The following LTBP3 variants were observed in gnomAD, a reference collection of about 807,000 sequenced individuals.
LTBP3 encodes the protein latent transforming growth factor beta binding protein 3.
In LTBP3, 97 loss-of-function variants were observed where a neutral mutation model predicts 159.7. That is an observed-to-expected ratio of 0.61 (90% CI 0.52 to 0.72). The LOEUF (loss-of-function observed/expected upper bound fraction) is 0.72, where lower values mean the gene tolerates loss of function less well. Among genes scored for constraint, LTBP3 ranks in the 30% least tolerant of loss-of-function variants. The pLI is 0.00. For synonymous variants in LTBP3, 824 were observed against 777.1 expected (o/e 1.06, Z -1.00); for missense variants, 1,584 against 1,864.3 (o/e 0.85, Z 2.77).
chr11:65,552,393 C>G lies in LTBP3; in HGVS notation c.1200G>C (p.Glu400Asp). 2 of 1,613,500 alleles carry G rather than the reference C, an allele frequency of 1.2e-6. No homozygotes were observed. Among genetic ancestry groups the G allele is most frequent in the East Asian group, 4.5e-5 (2 of 44,882 alleles). ...CCAGGCGGAAACACAGGCTCTTCTCCTCCGGTTTGTCTGCTGCAGGGGCCA... is the reference window on the plus strand; with the variant it reads ...CCAGGCGGAAACACAGGCTCTTCTCGTCCGGTTTGTCTGCTGCAGGGGCCA... ...SRTQCIADKPEEKSLCFRLVS... is the reference protein window; with the variant it reads ...SRTQCIADKPDEKSLCFRLVS... Residue 400 changes from glutamate to aspartate, a missense_variant, in exon 7 of 28, where the codon GAG (glutamate) becomes GAC (aspartate). Around this residue, in one of 6 missense-constraint regions of LTBP3, gnomAD observed 156 missense variants for 259.7 expected, o/e 0.60. Coordinates refer to ENST00000301873, the MANE Select transcript of LTBP3 (RefSeq NM_001130144.3). The surrounding 1 kb of genome is among the most constrained non-coding windows in gnomAD (Gnocchi z 6.0).
chr11:65,538,581 C>A lies in LTBP3; in HGVS notation c.*499G>T, dbSNP rs1185566275. On this transcript the variant is annotated 3_prime_UTR_variant, in exon 28 of 28. Coordinates refer to ENST00000301873, the MANE Select transcript of LTBP3 (RefSeq NM_001130144.3). ...AGCTGGACTGAACCGTGGCGGTGGCCCTTCCCGGCTGCGGAGAGCCCGCCC... is the reference window on the plus strand; with the variant it reads ...AGCTGGACTGAACCGTGGCGGTGGCACTTCCCGGCTGCGGAGAGCCCGCCC... 6.2e-7 allele frequency: 1 copy of A among 1,605,998 alleles called. No homozygotes were observed. Among genetic ancestry groups the A allele is most frequent in the East Asian group, 2.2e-5 (1 of 44,686 alleles).
chr11:65,546,577 G>C lies in LTBP3; in HGVS notation c.2231-13C>G, dbSNP rs867967679. On this transcript the variant is annotated splice_polypyrimidine_tract_variant and intron_variant, in intron 15 of 27. Transcript: ENST00000301873. This position sits in a 1 kb window ranked among gnomAD's most constrained non-coding sequence, Gnocchi z 4.0. The stretch of plus-strand genomic sequence containing the variant: ...CACTCGTTCACGTCTGCGGCGGAAA[G>C]ACCTAGCCTCGGACTCTGCCCCACC... 8.7e-5 allele frequency: 139 copies of C among 1,601,392 alleles called. No homozygotes were observed. Among genetic ancestry groups the C allele is most frequent in the Non-Finnish European group, 1.1e-4 (132 of 1,179,406 alleles).
intron 24 of LTBP3, 51 bp from the exon 25 acceptor site, chr11:65,539,932 G>T: frequency 6.8e-7 from 1 of 1,472,882 alleles, no homozygotes; most frequent in South Asian, 1.3e-5. Flanking sequence ...GGAACCGCCC[G>T]CCTCCGCCCC....
chr11:65,557,881 G>A lies in LTBP3; in HGVS notation c.79C>T (p.Leu27=). 1 of 1,308,766 alleles carries A rather than the reference G, an allele frequency of 7.6e-7. No individual in the cohort carries two copies. Among genetic ancestry groups the A allele is most frequent in the Non-Finnish European group, 9.8e-7 (1 of 1,020,032 alleles). The allele number at this position is 1,308,766 out of a possible 1,614,324, so 81.1% of individuals were successfully genotyped here. The change falls in exon 1 of 28, where the codon CTG becomes TTG. Residue 27 remains leucine, a synonymous_variant. Coordinates refer to ENST00000301873, the MANE Select transcript of LTBP3 (RefSeq NM_001130144.3). ...AGCAGCAGCAGCAGCAGCAGCAGCAGCAGCGCCAGCAGCCCCGCCGCCCCC... is the reference window on the plus strand; with the variant it reads ...AGCAGCAGCAGCAGCAGCAGCAGCAACAGCGCCAGCAGCCCCGCCGCCCCC... ...GAGAAGLLAL[L]LLLLLLLLGL...
At position 65,553,847 on chromosome 11, in the gene LTBP3, C is replaced by CT. The variant is rs1483871018; in HGVS notation, c.717dup (p.Val240SerfsTer7). On this transcript the variant is annotated frameshift_variant, in exon 3 of 28. Coordinates refer to ENST00000301873, the MANE Select transcript of LTBP3 (RefSeq NM_001130144.3). LOFTEE classifies it high-confidence loss of function. This position sits in a 1 kb window ranked among gnomAD's most constrained non-coding sequence, Gnocchi z 6.5. ...GAGCTCTCAATGCGGTGCACCTGGA[C>CT]TGAGGCCTCGGGCGGGTGATGGACG... 3 of 1,561,286 alleles carry CT rather than the reference C, an allele frequency of 1.9e-6. No homozygotes were observed. The highest frequency in any genetic ancestry group is 2.6e-6 in the Non-Finnish European group (3 of 1,160,922).
intron 1 of LTBP3, among the ~76,000 whole-genome samples, chr11:65,555,156 C>G (rs1856765154): frequency 2.0e-5 from 3 of 152,200 alleles, no homozygotes; most frequent in Admixed American, 2.0e-4. Context: ...AGGGCCACTG[C>G]TCCTGCCCTG....
In LTBP3 at chr11:65,546,726, CG is replaced by C; in HGVS notation, c.2230+71del. On this transcript the variant is annotated intron_variant, in intron 15 of 27. Coordinates refer to ENST00000301873, the MANE Select transcript of LTBP3 (RefSeq NM_001130144.3). This position sits in a 1 kb window ranked among gnomAD's most constrained non-coding sequence, Gnocchi z 4.0. ...GCCAATCACCACCGCTACCCCGCCC[CG>C]CCCCCAGCGGAGCCAGACTGGGGGA... The C allele has an allele frequency of 1.3e-5, 20 of 1,520,412 alleles. No individual in the cohort carries two copies. Among genetic ancestry groups the C allele is most frequent in the East Asian group, 2.4e-5 (1 of 42,410 alleles). The allele number at this position is 1,520,412 out of a possible 1,614,324, so 94.2% of individuals were successfully genotyped here. A position where few individuals can be genotyped will look rare whatever the true frequency, so the allele number is the denominator to read the frequency against.
At position 65,553,432 on chromosome 11, in the gene LTBP3, C is replaced by A; in HGVS notation, c.963G>T (p.Gln321His). 3.1e-6 allele frequency: 5 copies of A among 1,612,144 alleles called. No individual in the cohort carries two copies. Among genetic ancestry groups the A allele is most frequent in the Non-Finnish European group, 4.2e-6 (5 of 1,179,778 alleles). The change falls in exon 4 of 28, where the codon CAG becomes CAT. Residue 321 changes from glutamine (Q) to histidine (H), a missense_variant. By Grantham distance (24) the Gln-to-His change is conservative. Around this residue, in one of 6 missense-constraint regions of LTBP3, gnomAD observed 156 missense variants for 259.7 expected, o/e 0.60. Transcript: ENST00000301873. This position sits in a 1 kb window ranked among gnomAD's most constrained non-coding sequence, Gnocchi z 6.5. ...CTGAGCCCAAGCACTCACACTGCAG[C>A]TGGGGACACTTGTGGCACTTGCTCT... Reference protein sequence around the residue: ...WGQSKCHKCPQLQYTGVQKPG... With the variant: ...WGQSKCHKCPHLQYTGVQKPG...
intron 8 of LTBP3, 134 bp downstream of exon 8, chr11:65,551,838 G>T: frequency 9.0e-7 from 1 of 1,108,988 alleles, no homozygotes; most frequent in Non-Finnish European, 1.4e-6. Context: ...AGAGGGTCAG[G>T]TGGGAGGTCA....
Position 65,539,133 on chromosome 11 carries a change from C to G in LTBP3, c.3859G>C (p.Gly1287Arg), listed in dbSNP as rs536370608. The G allele has an allele frequency of 2.7e-6, 4 of 1,484,796 alleles. No homozygotes were observed. The highest frequency in any genetic ancestry group is 3.6e-6 in the Non-Finnish European group (4 of 1,113,976). 92.0% of individuals were successfully genotyped at this position (1,484,796 alleles called of 1,614,324 possible). The stretch of plus-strand genomic sequence containing the variant: ...CCGTGCGGGCGGCTGCGCGCGAAGC[C>G]GGCTTTGCAGACGCAGCGGAAGGAG... ...SGSFRCVCKA[G>R]FARSRPHGAC... Residue 1287 changes from glycine to arginine, a missense_variant, in exon 28 of 28, where the codon GGC becomes CGC. Transcript: ENST00000301873.
chr11:65,553,963 A>T lies in LTBP3; in HGVS notation c.662-60T>A. ...CACCGCGCCGCGGGTCACCGCGCTG[A>T]GCTCCTCCAGGGCTGAACCTGCCCT... is the stretch of plus-strand genomic sequence containing the variant. On this transcript the variant is annotated intron_variant, in intron 2 of 27. Coordinates refer to ENST00000301873, the MANE Select transcript of LTBP3 (RefSeq NM_001130144.3). The surrounding 1 kb of genome is among the most constrained non-coding windows in gnomAD (Gnocchi z 6.5). 6.4e-7 allele frequency: 1 copy of T among 1,551,494 alleles called. No individual in the cohort carries two copies. Among genetic ancestry groups the T allele is most frequent in the Admixed American group, 1.8e-5 (1 of 56,704 alleles).
chr11:65,540,541 G>C lies in LTBP3; in HGVS notation c.3051C>G (p.Tyr1017Ter). 1 of 1,613,882 alleles carries C rather than the reference G, an allele frequency of 6.2e-7. No homozygotes were observed. The highest frequency in any genetic ancestry group is 8.5e-7 in the Non-Finnish European group (1 of 1,179,910). ...EGKCVNTQPG[Y>*]ECYCKQGFYY... The stretch of plus-strand genomic sequence containing the variant: ...AGAAGCCCTGCTTGCAGTAGCACTC[G>C]TAGCCAGGCTGCGTGTTCACGCACT... The change falls in exon 22 of 28, where the codon TAC (tyrosine) becomes TAG (stop). Residue 1017 changes from tyrosine to a stop codon, truncating the protein, a stop_gained. Coordinates refer to ENST00000301873, the MANE Select transcript of LTBP3 (RefSeq NM_001130144.3). LOFTEE classifies it high-confidence loss of function.
chr11:65,540,110 G>A lies in LTBP3; in HGVS notation c.3288C>T (p.Arg1096=), dbSNP rs1186564167. 1 of 1,525,244 alleles carries A rather than the reference G, an allele frequency of 6.6e-7. No homozygotes were observed. Among genetic ancestry groups the A allele is most frequent in the Non-Finnish European group, 8.8e-7 (1 of 1,139,750 alleles). 94.5% of individuals were successfully genotyped at this position (1,525,244 alleles called of 1,614,324 possible). A position where few individuals can be genotyped will look rare whatever the true frequency, so the allele number is the denominator to read the frequency against. ...CQDPAACRPG[R]CVNLPGSYRC... The stretch of plus-strand genomic sequence containing the variant: ...GGTAGGAGCCCGGCAGGTTGACGCA[G>A]CGGCCAGGGCGGCAGGCTGCCGGGT... The change falls in exon 24 of 28, where the codon CGC becomes CGT. Residue 1096 remains arginine (R), a synonymous_variant. Transcript: ENST00000301873.
chr11:65,558,075 G>C lies in LTBP3; in HGVS notation c.-116C>G, dbSNP rs1193995175. On this transcript the variant is annotated 5_prime_UTR_variant, in exon 1 of 28. Coordinates refer to ENST00000301873, the MANE Select transcript of LTBP3 (RefSeq NM_001130144.3). ...AGAGGGTAGGGGGCAGCGAGGGAGG[G>C]CAGCGGGGGAAGCGGGCGGGAGGGG... 1 of 1,062,030 alleles carries C rather than the reference G, an allele frequency of 9.4e-7. No homozygotes were observed. The allele number at this position is 1,062,030 out of a possible 1,614,324, so 65.8% of individuals were successfully genotyped here. A position where few individuals can be genotyped will look rare whatever the true frequency, so the allele number is the denominator to read the frequency against.
rs551635263 is a variant in LTBP3, at chr11:65,547,472, G to C, written c.2074C>G (p.Arg692Gly). ...ACAGGAGGCCGGGAGGCTTTGAGCC[G>C]GTAGCCGGGGTAGCAGTTGCACTTG... is the stretch of plus-strand genomic sequence containing the variant. ...HYKCNCYPGY[R>G]LKASRPPVCE... The change falls in exon 14 of 28, where the codon CGG becomes GGG. Residue 692 changes from arginine to glycine, a missense_variant. By Grantham distance (125) the Arg-to-Gly change is moderately radical. Coordinates refer to ENST00000301873, the MANE Select transcript of LTBP3 (RefSeq NM_001130144.3). This position sits in a 1 kb window ranked among gnomAD's most constrained non-coding sequence, Gnocchi z 4.6. 1 of 1,614,112 alleles carries C rather than the reference G, an allele frequency of 6.2e-7. No homozygotes were observed. The highest frequency in any genetic ancestry group is 2.2e-5 in the East Asian group (1 of 44,890).
rs763078185 is a variant in LTBP3 at position 65,540,852 on chromosome 11, G to A, written c.2977+19C>T. ...CGGGGTGAGAGGGCGCGGGGCGGGC[G>A]GAGCCGCAGGGCGCTTACCACGGTG... On this transcript the variant is annotated intron_variant, in intron 21 of 27. Coordinates refer to ENST00000301873, the MANE Select transcript of LTBP3 (RefSeq NM_001130144.3). 3.1e-6 allele frequency: 5 copies of A among 1,603,078 alleles called. No individual in the cohort carries two copies. Among genetic ancestry groups the A allele is most frequent in the Non-Finnish European group, 3.4e-6 (4 of 1,174,914 alleles).
Position 65,546,511 on chromosome 11 carries a change from G to C in LTBP3, c.2284C>G (p.Leu762Val), listed in dbSNP as rs1321846997. The C allele has an allele frequency of 1.9e-6, 3 of 1,600,572 alleles. No homozygotes were observed. The highest frequency in any genetic ancestry group is 2.5e-6 in the Non-Finnish European group (3 of 1,179,224). ...SPCSPGWCENLPGSFRCTCAQ... is the reference protein window; with the variant it reads ...SPCSPGWCENVPGSFRCTCAQ... ...CAGGTGCAGCGGAAGGAGCCCGGGA[G>C]GTTCTCGCACCAGCCAGGCGAGCAG... Residue 762 changes from leucine to valine, a missense_variant, in exon 16 of 28, where the codon CTC becomes GTC. This residue lies in a region of LTBP3 where 565 missense variants were observed against 677.7 expected (regional missense o/e 0.83). Coordinates refer to ENST00000301873, the MANE Select transcript of LTBP3 (RefSeq NM_001130144.3). This position sits in a 1 kb window ranked among gnomAD's most constrained non-coding sequence, Gnocchi z 4.0.
chr11:65,558,206 A>G lies in LTBP3; in HGVS notation c.-247T>C. The G allele has an allele frequency of 9.5e-7, 1 of 1,052,496 alleles. No individual in the cohort carries two copies. Among genetic ancestry groups the G allele is most frequent in the Non-Finnish European group, 1.1e-6 (1 of 871,744 alleles). The allele number at this position is 1,052,496 out of a possible 1,614,324, so 65.2% of individuals were successfully genotyped here. A position where few individuals can be genotyped will look rare whatever the true frequency, so the allele number is the denominator to read the frequency against. ...CCCAGACCAGGCCCCGAACTCAGGC[A>G]GGAGCGAGGAGGCCGGAGCAAGTTG... On this transcript the variant is annotated 5_prime_UTR_variant, in exon 1 of 28. Coordinates refer to ENST00000301873, the MANE Select transcript of LTBP3 (RefSeq NM_001130144.3).
intron 11 of LTBP3, among the ~76,000 whole-genome samples, chr11:65,549,289 T>C (rs1856504758): frequency 6.6e-6 from 1 of 152,236 alleles, no homozygotes; most frequent in Admixed American, 6.5e-5. Flanking sequence ...CTGGCCTGTG[T>C]GTGGGTTCTC....
Sources: allele counts gnomAD v4.1 joint callset (sites outside exome capture counted in the v4.1 genomes callset), GRCh38; gene constraint gnomAD v4.1.1; regional missense constraint gnomAD v4.1.1; non-coding constraint Gnocchi (gnomAD v3.1); transcripts MANE v1.5; gene names NCBI Gene and HGNC (gene_info 2026-07-23, HGNC 2026-07-21).